The following PDE1A variants were observed in gnomAD, a reference collection of about 807,000 sequenced individuals.
PDE1A encodes phosphodiesterase 1A.
A neutral mutation model predicts 61.7 loss-of-function variants in PDE1A; 35 were observed. The observed-to-expected ratio is 0.57, with a 90% CI of 0.43 to 0.75. PDE1A has a LOEUF of 0.75. PDE1A is among the 30% of genes least tolerant of loss of function. The probability of loss-of-function intolerance (pLI) is 0.00; values close to 1 mark genes in which losing one functional copy is unlikely to be tolerated. For missense variants in PDE1A, 597 were observed against 630.6 expected (o/e 0.95, Z 0.57); for synonymous variants, 232 against 213.2 (o/e 1.09, Z -0.77).
intron 1 of PDE1A, among the ~76,000 whole-genome samples, chr2:182,412,364 A>C (rs1310238892): frequency 6.6e-6 from 1 of 152,194 alleles, no homozygotes; most frequent in Non-Finnish European, 1.5e-5. Flanking sequence ...CTGACTCTAG[A>C]GCATAGTTGC....
intron 1 of PDE1A, among the ~76,000 whole-genome samples, chr2:182,375,876 A>C (rs1241117170): frequency 6.6e-6 from 1 of 152,216 alleles, no homozygotes. Context: ...TTCAGGCTCA[A>C]CACCATGTGG....
chr2:182,299,233 G>A (rs1422042552), intron 1 of PDE1A, among the ~76,000 whole-genome samples: 20 of 151,574 alleles, frequency 1.3e-4, no homozygotes, highest in Admixed American at 1.3e-3. Flanking sequence ...ATGGAGGCCT[G>A]GCCCAAGTCT....
At chr2:182,370,183 G>GA (rs138520668) in intron 1 of PDE1A, among the ~76,000 whole-genome samples, 69,046 of 149,898 alleles carry the variant, frequency 0.46, 16,824 homozygotes, top group East Asian at 0.67. Context: ...TCTCAAAAAA[G>GA]AAAAAAAAGA....
At chr2:182,498,164 G>T (rs1688838446) in intron 2 of PDE1A, among the ~76,000 whole-genome samples, 1 of 151,698 alleles carries the variant, frequency 6.6e-6, no homozygotes, top group South Asian at 2.1e-4. Flanking sequence ...AATGCGAGAA[G>T]GCAGCCAAGA....
the PDE1A span, among the ~76,000 whole-genome samples, chr2:182,588,885 A>G: frequency 6.6e-6 from 1 of 151,908 alleles, no homozygotes; most frequent in African/African-American, 2.4e-5. Context: ...CTTTACAAAA[A>G]TACAAAAATT....
At chr2:182,608,468 G>A in the PDE1A span, among the ~76,000 whole-genome samples, 1 of 152,212 alleles carries the variant, frequency 6.6e-6, no homozygotes, top group African/African-American at 2.4e-5. Context: ...AGGGAGAGGC[G>A]CAGGTGGGAA....
chr2:182,548,749 C>T, the PDE1A span, among the ~76,000 whole-genome samples: 1 of 152,040 alleles, frequency 6.6e-6, no homozygotes, highest in Non-Finnish European at 1.5e-5. Context: ...GTATATTTTC[C>T]CCACTTGGAA....
At chr2:182,242,439 A>G (rs1690592798) in intron 2 of PDE1A, among the ~76,000 whole-genome samples, 1 of 152,198 alleles carries the variant, frequency 6.6e-6, no homozygotes, top group Non-Finnish European at 1.5e-5. Context: ...AAGAGCATGG[A>G]ATATGCTATT....
chr2:182,644,985 A>ATTT, the PDE1A span, among the ~76,000 whole-genome samples: 1 of 128,130 alleles, frequency 7.8e-6, no homozygotes, highest in African/African-American at 2.8e-5. Flanking sequence ...TGTCTTCTGT[A>ATTT]TTTTTTTTTT....
intron 1 of PDE1A, among the ~76,000 whole-genome samples, chr2:182,321,884 G>A (rs1184805573): frequency 6.6e-6 from 1 of 152,094 alleles, no homozygotes; most frequent in East Asian, 1.9e-4. Context: ...TGGCTAGGAA[G>A]CAATTTATAA....
the PDE1A span, among the ~76,000 whole-genome samples, chr2:182,546,222 T>G: frequency 6.6e-6 from 1 of 152,074 alleles, no homozygotes; most frequent in Admixed American, 6.6e-5. Context: ...GAGGATGAAG[T>G]GCCAAGAGTC....
At chr2:182,156,915 T>TA (rs1454940397) in intron 13 of PDE1A, among the ~76,000 whole-genome samples, 1 of 151,900 alleles carries the variant, frequency 6.6e-6, no homozygotes, top group Non-Finnish European at 1.5e-5. Flanking sequence ...TATCTATGCT[T>TA]AAAAAATCAA....
At chr2:182,340,075 G>A (rs1438069) in intron 1 of PDE1A, among the ~76,000 whole-genome samples, 97,221 of 151,946 alleles carry the variant, frequency 0.64, 32,680 homozygotes, top group Middle Eastern at 0.77. Context: ...ACAATTTATG[G>A]GGATTGTTGA....
intron 1 of PDE1A, among the ~76,000 whole-genome samples, chr2:182,288,700 C>T (rs185616390): frequency 1.3e-5 from 2 of 151,994 alleles, no homozygotes; most frequent in African/African-American, 2.4e-5. Context: ...CCATGTCAGA[C>T]GTGTTATCCA....
chr2:182,562,213 T>C, the PDE1A span, among the ~76,000 whole-genome samples: 1 of 152,208 alleles, frequency 6.6e-6, no homozygotes, highest in Non-Finnish European at 1.5e-5. Flanking sequence ...GCTCTTATTA[T>C]GTTGAGATAC....
In PDE1A at chr2:182,264,207, C is replaced by T. The variant is rs189883179; in HGVS notation, c.167+94G>A. 71 of 782,970 alleles carry T rather than the reference C, an allele frequency of 9.1e-5. 1 individual carries two copies. The Middle Eastern group carries it at 8.3e-3, about 92-fold the overall frequency. The allele number at this position is 782,970 out of a possible 1,614,324, so 48.5% of individuals were successfully genotyped here. On this transcript the variant is annotated intron_variant, in intron 2 of 13. Coordinates refer to ENST00000351439, the Ensembl canonical transcript of PDE1A. ...GATTTTGGTTTCACAGGAAGATATG[C>T]TAAATTCCTGTTTGAGATAAAGGAG...
chr2:182,386,716 C>G (rs548788672), intron 1 of PDE1A, among the ~76,000 whole-genome samples: 254 of 151,570 alleles, frequency 1.7e-3, no homozygotes, highest in African/African-American at 5.9e-3. Context: ...AAGTGAGGAG[C>G]GTCTCCGCCC....
intron 13 of PDE1A, among the ~76,000 whole-genome samples, chr2:182,148,454 T>C (rs1690612002): frequency 6.6e-6 from 1 of 152,220 alleles, no homozygotes; most frequent in East Asian, 1.9e-4. Context: ...CTTTATTTTC[T>C]GTGAGCACAG....
chr2:182,211,854 T>A (rs890333366), intron 7 of PDE1A, among the ~76,000 whole-genome samples: 3 of 152,196 alleles, frequency 2.0e-5, no homozygotes, highest in African/African-American at 7.2e-5. Context: ...TAACCTTGTA[T>A]TTTGCAACCC....
Sources: gnomAD v4.1 joint callset for allele counts (sites outside exome capture counted in the v4.1 genomes callset) on GRCh38, gnomAD v4.1.1 for gene constraint, MANE v1.5 for transcripts, NCBI Gene and HGNC (gene_info 2026-07-23, HGNC 2026-07-21) for gene names.